The following RBMS3 variants were observed in gnomAD, a reference collection of about 807,000 sequenced individuals.
RBMS3 encodes the protein RNA-binding motif, single-stranded-interacting protein 3.
RBMS3 carries 27 observed loss-of-function variants against 66.8 expected under a neutral mutation model. The observed-to-expected ratio is 0.40, with a 90% CI of 0.30 to 0.56. The LOEUF (loss-of-function observed/expected upper bound fraction) is 0.56. Ranked by LOEUF, RBMS3 falls within the 20% of genes least tolerant of loss-of-function variation. The pLI, the probability that RBMS3 is intolerant of heterozygous loss-of-function variation, is 0.40. For missense variants in RBMS3, 513 were observed against 549.5 expected, an observed-to-expected ratio of 0.93 and a Z score of 0.66; for synonymous variants, 188 against 183.0, an observed-to-expected ratio of 1.03 and a Z score of -0.22.
chr3:29,338,175 G>T (rs73058231), intron 1 of RBMS3, among the ~76,000 whole-genome samples: 14,636 of 152,092 alleles, frequency 0.096, 806 homozygotes, highest in Non-Finnish European at 0.12. Flanking sequence ...TTTTAAAAAC[G>T]AAGCTCCACA....
chr3:29,703,002 TTAGCACTAGATGATATTATTAGATG>T (rs1430782769), intron 4 of RBMS3, among the ~76,000 whole-genome samples: 4 of 152,246 alleles, frequency 2.6e-5, no homozygotes, highest in Non-Finnish European at 5.9e-5. Context: ...AGTGTTCATG[TTAGCACTAGATGATATTATTAGATG>T]TATCTAATAC....
chr3:29,831,861 T>C (rs1196881390), intron 6 of RBMS3, among the ~76,000 whole-genome samples: 2 of 130,654 alleles, frequency 1.5e-5, no homozygotes, highest in African/African-American at 5.6e-5. Context: ...GGGTAGACAT[T>C]TACCTTAAAT....
In RBMS3 at chr3:30,007,954, A is replaced by T. The variant is rs2125412159; in HGVS notation, c.*4092A>T. 6.6e-6 allele frequency: 1 copy of T among 152,200 alleles called. No homozygotes were observed. Among genetic ancestry groups the T allele is most frequent in the African/African-American group, 2.4e-5 (1 of 41,560 alleles). 9.4% of individuals were successfully genotyped at this position (152,200 alleles called of 1,614,324 possible). A position where few individuals can be genotyped will look rare whatever the true frequency, so the allele number is the denominator to read the frequency against. ...TTAGAAATATAAGGCTGAGAACTGA[A>T]GAAGGCTGTTTAAAGCAGGAATTTC... On this transcript the variant is annotated 3_prime_UTR_variant, in exon 15 of 15. Coordinates refer to ENST00000383767, the MANE Select transcript of RBMS3 (RefSeq NM_001003793.3).
chr3:29,739,974 CA>C (rs397989061), intron 5 of RBMS3, 97 bp downstream of exon 5: 45,318 of 554,622 alleles, frequency 0.082, 389 homozygotes, highest in African/African-American at 0.17. Flanking sequence ...ATAGAATATG[CA>C]AAAAAAAAAA....
Position 29,587,182 on chromosome 3 carries a change from G to A in RBMS3, c.376G>A (p.Gly126Ser). 1 of 1,601,200 alleles carries A rather than the reference G, an allele frequency of 6.2e-7. No homozygotes were observed. Among genetic ancestry groups the A allele is most frequent in the Non-Finnish European group, 8.5e-7 (1 of 1,173,940 alleles). Residue 126 changes from glycine to serine, a missense_variant, in exon 4 of 15, where the codon GGC becomes AGC. By Grantham distance (56) the Gly-to-Ser change is moderately conservative. Transcript: ENST00000383767. ...AGCGGTAGCATCTCTCAAGGCAAAT[G>A]GCGTGCAGGCACAGATGGCTAAGGT... ...QKAVASLKAN[G>S]VQAQMAKQQE...
At chr3:29,749,842 C>T (rs2055093353) in intron 5 of RBMS3, among the ~76,000 whole-genome samples, 1 of 152,072 alleles carries the variant, frequency 6.6e-6, no homozygotes, top group African/African-American at 2.4e-5. Flanking sequence ...TACCAGTGTT[C>T]AATGTGTCCT....
At chr3:29,667,053 A>G (rs548765345) in intron 4 of RBMS3, among the ~76,000 whole-genome samples, 56 of 152,330 alleles carry the variant, frequency 3.7e-4, no homozygotes, top group African/African-American at 1.3e-3. Context: ...GTAAATTAAT[A>G]TTTAATATTT....
chr3:29,533,088 C>G (rs982027918), intron 3 of RBMS3, among the ~76,000 whole-genome samples: 2 of 152,092 alleles, frequency 1.3e-5, no homozygotes, highest in African/African-American at 4.8e-5. Flanking sequence ...ATGAAGTTAT[C>G]ATAAACCAAA....
chr3:29,626,955 A>C (rs1279613818), intron 4 of RBMS3, among the ~76,000 whole-genome samples: 1 of 152,188 alleles, frequency 6.6e-6, no homozygotes, highest in Non-Finnish European at 1.5e-5. Context: ...TGCAAGAAAA[A>C]GGTGGCTATC....
intron 1 of RBMS3, among the ~76,000 whole-genome samples, chr3:29,377,642 A>C (rs562809518): frequency 6.6e-5 from 10 of 152,298 alleles, no homozygotes; most frequent in Admixed American, 4.6e-4. Context: ...AGTCCAAAGG[A>C]GAAGTTAATT....
chr3:29,562,934 A>G (rs1378546021), intron 3 of RBMS3, among the ~76,000 whole-genome samples: 1 of 152,248 alleles, frequency 6.6e-6, no homozygotes. Flanking sequence ...TAGCTTAAAG[A>G]TGCCACTTAA....
intron 1 of RBMS3, among the ~76,000 whole-genome samples, chr3:29,299,140 G>A (rs1156558306): frequency 6.6e-5 from 10 of 151,890 alleles, no homozygotes; most frequent in Admixed American, 5.3e-4. Context: ...TTTGAGGTGG[G>A]CATATAGTTG....
chr3:29,772,794 G>T (rs1034147993), intron 6 of RBMS3, among the ~76,000 whole-genome samples: 1 of 151,850 alleles, frequency 6.6e-6, no homozygotes, highest in Non-Finnish European at 1.5e-5. Context: ...CATTAGAGTT[G>T]CTTGTGTGTT....
chr3:29,373,898 C>G (rs1469961485), intron 1 of RBMS3, among the ~76,000 whole-genome samples: 1 of 152,108 alleles, frequency 6.6e-6, no homozygotes, highest in African/African-American at 2.4e-5. Context: ...TGATGCAAAT[C>G]AAATGGCGTA....
At chr3:29,949,777 A>G (rs61182988) in intron 12 of RBMS3, among the ~76,000 whole-genome samples, 4 of 151,528 alleles carry the variant, frequency 2.6e-5, no homozygotes, top group Non-Finnish European at 4.4e-5. Flanking sequence ...TTCATTATAT[A>G]TTGGTCTTTT....
intron 1 of RBMS3, among the ~76,000 whole-genome samples, chr3:29,304,880 G>T (rs1167862492): frequency 6.6e-6 from 1 of 151,788 alleles, no homozygotes; most frequent in Non-Finnish European, 1.5e-5. Flanking sequence ...TCTCAGATAT[G>T]GCTCTTCACC....
At chr3:29,834,516 G>A (rs1374568418) in intron 6 of RBMS3, among the ~76,000 whole-genome samples, 1 of 151,942 alleles carries the variant, frequency 6.6e-6, no homozygotes, top group Non-Finnish European at 1.5e-5. Flanking sequence ...AATTGGGTGG[G>A]CAGCAGTGTA....
At chr3:29,450,051 C>T (rs532710412) in intron 2 of RBMS3, among the ~76,000 whole-genome samples, 1 of 152,192 alleles carries the variant, frequency 6.6e-6, no homozygotes, top group South Asian at 2.1e-4. Context: ...GCAGAGGAAC[C>T]ACAGCCCCCA....
intron 3 of RBMS3, among the ~76,000 whole-genome samples, chr3:29,565,965 G>T (rs1453233287): frequency 6.6e-6 from 1 of 152,110 alleles, no homozygotes; most frequent in Non-Finnish European, 1.5e-5. Flanking sequence ...TTTATAATAA[G>T]AGAGGCAAGG....
Sources: gnomAD v4.1 joint callset for allele counts (sites outside exome capture counted in the v4.1 genomes callset) on GRCh38, gnomAD v4.1.1 for gene constraint, MANE v1.5 for transcripts, NCBI Gene and HGNC (gene_info 2026-07-23, HGNC 2026-07-21) for gene names.